Variants in DLGAP2 observed in about 807,000 individuals in gnomAD.
DLGAP2 encodes disks large-associated protein 2.
In DLGAP2, 26 loss-of-function variants were observed where a neutral mutation model predicts 100.3. The ratio of observed to expected loss-of-function variants is 0.26; its 90% CI spans 0.19 to 0.36. The LOEUF (loss-of-function observed/expected upper bound fraction) is 0.36. Among genes scored for constraint, DLGAP2 ranks in the 10% least tolerant of loss-of-function variants. The pLI, the probability that DLGAP2 is intolerant of heterozygous loss-of-function variation, is 1.00. For missense variants in DLGAP2, 1,858 were observed against 1,453.2 expected (o/e 1.28, Z -4.53); for synonymous variants, 886 against 630.1 (o/e 1.41, Z -6.08).
chr8:899,529 G>C (rs1798210331), intron 1 of DLGAP2, among the ~76,000 whole-genome samples: 1 of 152,220 alleles, frequency 6.6e-6, no homozygotes, highest in African/African-American at 2.4e-5. Context: ...CTCTGGCTGT[G>C]TGTGTGGTGG....
intron 3 of DLGAP2, among the ~76,000 whole-genome samples, chr8:1,483,995 T>G (rs576793608): frequency 1.3e-5 from 2 of 152,380 alleles, no homozygotes; most frequent in South Asian, 4.1e-4. Flanking sequence ...ATATGGAAAC[T>G]GGGATGTTTT....
intron 2 of DLGAP2, among the ~76,000 whole-genome samples, chr8:1,157,109 T>TTATCCTTTGGTC (rs1243317105): frequency 6.6e-6 from 1 of 152,154 alleles, no homozygotes; most frequent in East Asian, 1.9e-4. Context: ...AGACTTTGGT[T>TTATCCTTTGGTC]TATCCTTTGG....
rs563140817 is a variant in DLGAP2, at chr8:1,100,580, T to C, written c.74-158271T>C. 1.1e-3 allele frequency among the ~76,000 whole-genome samples: 169 copies of C among 152,258 alleles called. 2 individuals carry two copies. The highest frequency in any genetic ancestry group is 3.4e-3 in the Middle Eastern group (1 of 294). Reference sequence around the variant, plus strand: ...CCCCCGGTGGTCTCAGAATGTGTCTTCTCTGATACAGGGGAATTACTCTAT... The same window carrying C: ...CCCCCGGTGGTCTCAGAATGTGTCTCCTCTGATACAGGGGAATTACTCTAT... On this transcript the variant is annotated intron_variant, in intron 2 of 14. Coordinates refer to ENST00000637795, the MANE Select transcript of DLGAP2 (RefSeq NM_001346810.2).
intron 2 of DLGAP2, among the ~76,000 whole-genome samples, chr8:1,173,211 C>G (rs574932299): frequency 6.6e-6 from 1 of 152,136 alleles, no homozygotes; most frequent in Non-Finnish European, 1.5e-5. Flanking sequence ...TCGTGAACCG[C>G]GAATGCTGCT....
At chr8:1,653,599 C>G (rs1798216319) in intron 8 of DLGAP2, among the ~76,000 whole-genome samples, 1 of 152,212 alleles carries the variant, frequency 6.6e-6, no homozygotes, top group Non-Finnish European at 1.5e-5. Flanking sequence ...GTCCGTCTCT[C>G]AGATCCGTGG....
chr8:975,171 A>G (rs941012705), intron 2 of DLGAP2, among the ~76,000 whole-genome samples: 1 of 152,206 alleles, frequency 6.6e-6, no homozygotes, highest in African/African-American at 2.4e-5. Context: ...TTGAAAAACA[A>G]ACCTGTCAAA....
At chr8:1,172,789 A>T (rs112731677) in intron 2 of DLGAP2, among the ~76,000 whole-genome samples, 4,542 of 151,834 alleles carry the variant, frequency 0.03, 104 homozygotes, top group Middle Eastern at 0.044. Flanking sequence ...ATTCTTCTAA[A>T]TTTTTTTCAA....
chr8:1,433,102 G>A (rs1050050181), intron 3 of DLGAP2, among the ~76,000 whole-genome samples: 15 of 152,260 alleles, frequency 9.9e-5, no homozygotes, highest in Admixed American at 3.3e-4. Flanking sequence ...CGAGCCACAC[G>A]TCCCCAGTGT....
intron 3 of DLGAP2, among the ~76,000 whole-genome samples, chr8:1,493,885 G>A (rs1799465766): frequency 6.6e-6 from 1 of 152,210 alleles, no homozygotes; most frequent in Non-Finnish European, 1.5e-5. Flanking sequence ...TTTATGGTTT[G>A]GGGTTTTGTG....
chr8:760,078 A>C (rs888159521), intron 1 of DLGAP2, among the ~76,000 whole-genome samples: 2 of 152,214 alleles, frequency 1.3e-5, no homozygotes, highest in African/African-American at 4.8e-5. Context: ...CCTTATGCTG[A>C]CATTTTCCCT....
At chr8:1,500,881 C>T (rs1250078549) in intron 3 of DLGAP2, among the ~76,000 whole-genome samples, 1 of 152,224 alleles carries the variant, frequency 6.6e-6, no homozygotes, top group Non-Finnish European at 1.5e-5. Flanking sequence ...GCACTAAGAT[C>T]ACAAATGCAG....
chr8:1,516,603 ATGAG>A (rs1415967986), intron 4 of DLGAP2, among the ~76,000 whole-genome samples: 2 of 149,574 alleles, frequency 1.3e-5, no homozygotes, highest in East Asian at 2.0e-4. Flanking sequence ...GAGTGCATGA[ATGAG>A]TGAGTGAATC....
chr8:1,189,481 C>G lies in DLGAP2; in HGVS notation c.74-69370C>G, dbSNP rs555280211. 1.8e-3 allele frequency among the ~76,000 whole-genome samples: 273 copies of G among 152,266 alleles called. 3 individuals carry two copies. Among genetic ancestry groups the G allele is most frequent in the Admixed American group, 4.6e-3 (70 of 15,292 alleles). On this transcript the variant is annotated intron_variant, in intron 2 of 14. Coordinates refer to ENST00000637795, the MANE Select transcript of DLGAP2 (RefSeq NM_001346810.2). ...ACGTTTAAACCAGACCTTCTTTTAT[C>G]CACTCAAGCAACTAGTGTAGAGTAA...
chr8:989,104 C>T (rs1359219104), intron 2 of DLGAP2, among the ~76,000 whole-genome samples: 3 of 152,168 alleles, frequency 2.0e-5, no homozygotes, highest in Admixed American at 6.5e-5. Flanking sequence ...TCCATTGTGA[C>T]GACCGCAGTG....
intron 3 of DLGAP2, among the ~76,000 whole-genome samples, chr8:1,392,287 C>G (rs936812281): frequency 6.6e-6 from 1 of 152,094 alleles, no homozygotes; most frequent in Non-Finnish European, 1.5e-5. Context: ...GAGGCGCAGT[C>G]CAGATCCTGG....
At chr8:939,027 GC>G in intron 2 of DLGAP2, among the ~76,000 whole-genome samples, 1 of 152,384 alleles carries the variant, frequency 6.6e-6, no homozygotes. Flanking sequence ...CACCGGCAGG[GC>G]TGCAGAAAGC....
intron 2 of DLGAP2, among the ~76,000 whole-genome samples, chr8:1,240,184 C>A: frequency 6.8e-6 from 1 of 147,380 alleles, no homozygotes; most frequent in African/African-American, 2.5e-5. Flanking sequence ...CTCTCTCACA[C>A]AGAGTATCGT....
chr8:1,183,022 C>G lies in DLGAP2; in HGVS notation c.74-75829C>G, dbSNP rs114961558. Among the ~76,000 whole-genome samples the G allele has an allele frequency of 2.1e-3, 318 of 152,292 alleles. 2 individuals carry two copies. The highest frequency in any genetic ancestry group is 7.1e-3 in the African/African-American group (297 of 41,570). ...TCCTGGAAGTGTGTCACTGCCAGTGCGGGGAACGTGAGATTTACTCACCCA... is the reference window on the plus strand; with the variant it reads ...TCCTGGAAGTGTGTCACTGCCAGTGGGGGGAACGTGAGATTTACTCACCCA... On this transcript the variant is annotated intron_variant, in intron 2 of 14. Transcript: ENST00000637795.
chr8:1,295,702 C>T (rs1410171439), intron 3 of DLGAP2, among the ~76,000 whole-genome samples: 2 of 152,206 alleles, frequency 1.3e-5, no homozygotes, highest in South Asian at 2.1e-4. Context: ...AGAAAACCCA[C>T]TCCGGGCCCC....
Sources: gnomAD v4.1 joint callset for allele counts (sites outside exome capture counted in the v4.1 genomes callset) on GRCh38, gnomAD v4.1.1 for gene constraint, MANE v1.5 for transcripts, NCBI Gene and HGNC (gene_info 2026-07-23, HGNC 2026-07-21) for gene names.